Variants in ASNS observed in about 807,000 individuals in gnomAD.
ASNS encodes the protein asparagine synthetase [glutamine-hydrolyzing].
In ASNS, 37 loss-of-function variants were observed where a neutral mutation model predicts 62.6. The observed-to-expected ratio is 0.59, with a 90% CI of 0.45 to 0.78. The LOEUF (loss-of-function observed/expected upper bound fraction) is 0.78, where lower values mean the gene tolerates loss of function less well. Among genes scored for constraint, ASNS ranks in the 30% least tolerant of loss-of-function variants. The pLI is 0.00. For synonymous variants in ASNS, 207 were observed against 237.9 expected (o/e 0.87, Z 1.19); for missense variants, 520 against 682.4 (o/e 0.76, Z 2.65).
At chr7:97,880,695 C>T in the ASNS span, among the ~76,000 whole-genome samples, 7 of 152,110 alleles carry the variant, frequency 4.6e-5, no homozygotes, top group African/African-American at 1.4e-4. Flanking sequence ...GTAAAAATTA[C>T]CCCCCAAAGA....
At chr7:97,916,296 G>A in the ASNS span, among the ~76,000 whole-genome samples, 4 of 152,088 alleles carry the variant, frequency 2.6e-5, no homozygotes, top group South Asian at 8.3e-4. Flanking sequence ...CAGGAGAATC[G>A]CTTGAATCTG....
chr7:97,867,893 T>C (rs1412498601), intron 3 of ASNS, among the ~76,000 whole-genome samples: 2 of 152,192 alleles, frequency 1.3e-5, no homozygotes, highest in Non-Finnish European at 2.9e-5. Context: ...TGTTCACAGA[T>C]AAAAATGTCC....
intron 9 of ASNS, chr7:97,855,066 C>A (rs1791368765): frequency 2.7e-6 from 1 of 375,206 alleles, no homozygotes; most frequent in Non-Finnish European, 4.8e-6. Flanking sequence ...CAGCCTCAAT[C>A]TCCTGGGTTC....
the ASNS span, among the ~76,000 whole-genome samples, chr7:97,879,853 G>A: frequency 6.6e-6 from 1 of 152,184 alleles, no homozygotes; most frequent in Non-Finnish European, 1.5e-5. Flanking sequence ...TATAAAAACT[G>A]TCCTACATCA....
chr7:97,858,544 A>G (rs1050744833), intron 6 of ASNS, 139 bp from the exon 7 acceptor site: 7 of 1,106,096 alleles, frequency 6.3e-6, no homozygotes, highest in African/African-American at 1.6e-5. Flanking sequence ...ACTGAAATCA[A>G]CTTCAACAAG....
At chr7:97,881,304 C>A in the ASNS span, among the ~76,000 whole-genome samples, 2 of 152,104 alleles carry the variant, frequency 1.3e-5, no homozygotes, top group African/African-American at 4.8e-5. Flanking sequence ...CCATACACTT[C>A]AGTATCATTA....
At chr7:97,917,132 C>A in the ASNS span, among the ~76,000 whole-genome samples, 2 of 150,326 alleles carry the variant, frequency 1.3e-5, no homozygotes, top group Admixed American at 1.3e-4. Context: ...AGACAGGATG[C>A]CAGTTAAACT....
rs1792328459 is a variant in ASNS, at chr7:97,872,393, G to A, written c.-102C>T. On this transcript the variant is annotated 5_prime_UTR_variant, in exon 1 of 13. Transcript: ENST00000394308. ...AGGGTGATGTGGCGGGCTGAGGCCA[G>A]GGATGTGGACAGCTTGACGGGCGGC... 6.6e-6 allele frequency: 1 copy of A among 151,530 alleles called. No homozygotes were observed. The highest frequency in any genetic ancestry group is 1.5e-5 in the Non-Finnish European group (1 of 68,550). 9.4% of individuals were successfully genotyped at this position (151,530 alleles called of 1,614,324 possible).
the ASNS span, among the ~76,000 whole-genome samples, chr7:97,923,179 A>T: frequency 3.3e-5 from 5 of 151,700 alleles, no homozygotes; most frequent in African/African-American, 1.2e-4. Context: ...TTTGGTCAAA[A>T]TAGTCTCCTT....
chr7:97,926,510 C>T, the ASNS span, among the ~76,000 whole-genome samples: 1 of 152,152 alleles, frequency 6.6e-6, no homozygotes, highest in Non-Finnish European at 1.5e-5. Flanking sequence ...CTCACACCAG[C>T]CTGACACTTC....
At chr7:97,865,396 C>T (rs1375255124) in intron 3 of ASNS, among the ~76,000 whole-genome samples, 1 of 152,108 alleles carries the variant, frequency 6.6e-6, no homozygotes, top group Non-Finnish European at 1.5e-5. Flanking sequence ...AACTAGGAAG[C>T]GGGTCCTCTG....
chr7:97,860,945 T>C (rs1305941757), intron 4 of ASNS, among the ~76,000 whole-genome samples: 1 of 152,100 alleles, frequency 6.6e-6, no homozygotes, highest in Non-Finnish European at 1.5e-5. Flanking sequence ...ACAATTTACT[T>C]CTATGTTTGC....
At chr7:97,921,101 G>T in the ASNS span, among the ~76,000 whole-genome samples, 1 of 152,202 alleles carries the variant, frequency 6.6e-6, no homozygotes, top group East Asian at 1.9e-4. Context: ...CCCAGCCACA[G>T]TGGTGAGGAA....
At chr7:97,856,554 C>A (rs1791442572) in intron 8 of ASNS, 136 bp downstream of exon 8, 3 of 758,778 alleles carry the variant, frequency 4.0e-6, no homozygotes, top group Admixed American at 3.3e-5. Context: ...CTTAAATAAT[C>A]AGTAACATAG....
intron 4 of ASNS, 185 bp downstream of exon 4, chr7:97,864,074 G>C: frequency 1.8e-6 from 1 of 553,620 alleles, no homozygotes; most frequent in Non-Finnish European, 3.1e-6. Flanking sequence ...ATCCTTCAAG[G>C]ATTACAGAAT....
At position 97,858,903 on chromosome 7, in the gene ASNS, A is replaced by T; in HGVS notation, c.726T>A (p.Ala242=). 7 of 1,613,930 alleles carry T rather than the reference A, an allele frequency of 4.3e-6. No individual in the cohort carries two copies. Among genetic ancestry groups the T allele is most frequent in the Non-Finnish European group, 5.9e-6 (7 of 1,179,944 alleles). ...KNNLRILFNN[A]VKKRLMTDRR... is the part of the protein sequence containing the mutation. ...TGTCTGTCATCAAACGTTTCTTTAC[A>T]GCATTATTAAAAAGGATCCTGAGGT... is the stretch of plus-strand genomic sequence containing the variant. Residue 242 remains alanine, a synonymous_variant, in exon 6 of 13, where the codon GCT becomes GCA. Coordinates refer to ENST00000394308, the MANE Select transcript of ASNS (RefSeq NM_001673.5).
At chr7:97,856,347 A>T (rs1791434979) in intron 8 of ASNS, among the ~76,000 whole-genome samples, 1 of 152,228 alleles carries the variant, frequency 6.6e-6, no homozygotes, top group African/African-American at 2.4e-5. Flanking sequence ...TCAAAAATGC[A>T]TTACCAAAAA....
At chr7:97,854,547 T>G in intron 10 of ASNS, 33 bp downstream of exon 10, 1 of 1,588,944 alleles carries the variant, frequency 6.3e-7, no homozygotes, top group Non-Finnish European at 8.5e-7. Flanking sequence ...TGTTTTTTTG[T>G]TTTTGTTTTA....
the ASNS span, chr7:97,898,936 G>A: frequency 5.4e-6 from 6 of 1,110,650 alleles, no homozygotes; most frequent in Non-Finnish European, 8.1e-6. Context: ...CAAGACCCTT[G>A]AGACCATCAG....
Sources: allele counts gnomAD v4.1 joint callset (sites outside exome capture counted in the v4.1 genomes callset), GRCh38; gene constraint gnomAD v4.1.1; transcripts MANE v1.5; gene names NCBI Gene and HGNC (gene_info 2026-07-23, HGNC 2026-07-21).